Variants in CACNA1G observed in about 807,000 individuals in gnomAD.
CACNA1G encodes the protein voltage-dependent T-type calcium channel subunit alpha-1G.
Under a neutral mutation model 219.4 loss-of-function variants are expected in CACNA1G, and 67 were observed. The ratio of observed to expected loss-of-function variants is 0.31; its 90% CI spans 0.25 to 0.37. The LOEUF is 0.37. CACNA1G is among the 10% of genes least tolerant of loss of function. The pLI is 1.00. For missense variants in CACNA1G, 2,380 were observed against 3,231.4 expected (o/e 0.74, Z 6.39); for synonymous variants, 1,296 against 1,345.3 (o/e 0.96, Z 0.80).
intron 25 of CACNA1G, 55 bp downstream of exon 25, chr17:50,608,074 C>CT: frequency 1.3e-6 from 2 of 1,520,446 alleles, no homozygotes; most frequent in Non-Finnish European, 1.8e-6. Context: ...CTGGGTCGTG[C>CT]TTGACCTTGG....
At chr17:50,584,105 A>C (rs1035299740) in intron 9 of CACNA1G, among the ~76,000 whole-genome samples, 11 of 152,124 alleles carry the variant, frequency 7.2e-5, no homozygotes, top group South Asian at 2.1e-4. Flanking sequence ...GGTTTGGGAG[A>C]GGAGGCGAGA....
chr17:50,565,591 C>T (rs185529727), intron 1 of CACNA1G, among the ~76,000 whole-genome samples: 251 of 152,232 alleles, frequency 1.6e-3, no homozygotes, highest in African/African-American at 5.9e-3. Context: ...CCTCAACGTT[C>T]CTTAGTCTCA....
In CACNA1G at chr17:50,603,057, C is replaced by T; in HGVS notation, c.4027C>T (p.Arg1343Trp). The part of the protein sequence containing the change: ...GWCFGEQAYL[R>W]SSWNVLDGLL... ...GTGCTTCGGGGAGCAGGCGTACCTG[C>T]GGAGCAGTTGGAACGTGCTGGACGG... The change falls in exon 21 of 38, where the codon CGG (arginine) becomes TGG (tryptophan). Residue 1343 changes from arginine (R) to tryptophan (W), a missense_variant. Transcript: ENST00000359106. The surrounding 1 kb of genome is among the most constrained non-coding windows in gnomAD (Gnocchi z 6.4). 1.2e-6 allele frequency: 2 copies of T among 1,613,516 alleles called. No homozygotes were observed. The highest frequency in any genetic ancestry group is 1.7e-6 in the Non-Finnish European group (2 of 1,179,728).
chr17:50,578,273 T>C lies in CACNA1G; in HGVS notation c.2010T>C (p.Cys670=). The C allele has an allele frequency of 6.2e-7, 1 of 1,612,908 alleles. No homozygotes were observed. The highest frequency in any genetic ancestry group is 8.5e-7 in the Non-Finnish European group (1 of 1,179,754). The change falls in exon 9 of 38, where the codon TGT becomes TGC. Residue 670 remains cysteine (C), a synonymous_variant. Coordinates refer to ENST00000359106, the MANE Select transcript of CACNA1G (RefSeq NM_018896.5). The surrounding 1 kb of genome is among the most constrained non-coding windows in gnomAD (Gnocchi z 4.5). ...GTGGTCCAGACAGCTGCCCCTACTGTGCCCGGGCCGGGGCAGGGGAGGTGG... is the reference window on the plus strand; with the variant it reads ...GTGGTCCAGACAGCTGCCCCTACTGCGCCCGGGCCGGGGCAGGGGAGGTGG... ...GACGPDSCPY[C]ARAGAGEVEL...
At position 50,569,819 on chromosome 17, in the gene CACNA1G, G is replaced by A. The variant is rs1349513331; in HGVS notation, c.586+16G>A. Reference sequence around the variant, plus strand: ...CGGGTGCCCAGTGAGTGACCCCTCAGCCCTCAGCCCCTGAAGAGAGCCCCA... The same window carrying A: ...CGGGTGCCCAGTGAGTGACCCCTCAACCCTCAGCCCCTGAAGAGAGCCCCA... On this transcript the variant is annotated intron_variant, in intron 4 of 37. Transcript: ENST00000359106. 2.0e-6 allele frequency: 3 copies of A among 1,538,310 alleles called. No individual in the cohort carries two copies. The highest frequency in any genetic ancestry group is 2.6e-6 in the Non-Finnish European group (3 of 1,137,224).
chr17:50,622,393 G>A (rs374217370), intron 35 of CACNA1G, among the ~76,000 whole-genome samples: 1 of 152,080 alleles, frequency 6.6e-6, no homozygotes, highest in East Asian at 1.9e-4. Context: ...CCCTTCTCCA[G>A]CTCCCGTCCC....
intron 9 of CACNA1G, among the ~76,000 whole-genome samples, chr17:50,585,648 G>A (rs1480712087): frequency 6.6e-6 from 1 of 152,134 alleles, no homozygotes; most frequent in East Asian, 1.9e-4. Flanking sequence ...GGAGGGCACA[G>A]GAGGGGGGAT....
intron 25 of CACNA1G, among the ~76,000 whole-genome samples, chr17:50,608,314 G>A (rs907002523): frequency 2.6e-5 from 4 of 152,074 alleles, no homozygotes; most frequent in South Asian, 2.1e-4. Context: ...CAGCCTCCCC[G>A]AGCTTGACTC....
chr17:50,599,554 C>A lies in CACNA1G; in HGVS notation c.3385C>A (p.Arg1129=), dbSNP rs745670986. 6.2e-7 allele frequency: 1 copy of A among 1,612,692 alleles called. No homozygotes were observed. ...LKRRSPSGER[R]SLLSGEGQES... ...GCGGAGAAGCCCAAGTGGAGAGCGG[C>A]GGTCCCTGTTGTCGGGAGAAGGCCA... The change falls in exon 17 of 38, where the codon CGG becomes AGG. Residue 1129 remains arginine (R), a synonymous_variant. Coordinates refer to ENST00000359106, the MANE Select transcript of CACNA1G (RefSeq NM_018896.5).
In CACNA1G at chr17:50,561,158, C is replaced by T. The variant is rs956353528; in HGVS notation, c.-302C>T. ...GAATCCGGCAACCGGAGCCTGGGCG[C>T]GAAGCGAAGAAGCCGGAACAAAGTG... is the stretch of plus-strand genomic sequence containing the variant. On this transcript the variant is annotated 5_prime_UTR_variant, in exon 1 of 38. Transcript: ENST00000359106. 1.9e-6 allele frequency: 1 copy of T among 537,438 alleles called. No individual in the cohort carries two copies. The highest frequency in any genetic ancestry group is 3.4e-6 in the Non-Finnish European group (1 of 290,540). The allele number at this position is 537,438 out of a possible 1,614,324, so 33.3% of individuals were successfully genotyped here.
In CACNA1G at chr17:50,561,447, G is replaced by C. The variant is rs1203335786; in HGVS notation, c.-13G>C. On this transcript the variant is annotated 5_prime_UTR_variant, in exon 1 of 38. Transcript: ENST00000359106. ...CCCTCTCCGGATCGCCCGGGGCCCC[G>C]GCTGGCCAGAGGATGGACGAGGAGG... 4 of 1,533,844 alleles carry C rather than the reference G, an allele frequency of 2.6e-6. No individual in the cohort carries two copies. The East Asian group carries it at 9.8e-5, about 38-fold the overall frequency.
rs549256319 is a variant in CACNA1G, at chr17:50,607,479, C to T, written c.4513-348C>T. The T allele has an allele frequency of 2.2e-4, 68 of 313,988 alleles. 1 individual carries two copies. The highest frequency in any genetic ancestry group is 3.8e-4 in the East Asian group (5 of 13,086). 19.5% of individuals were successfully genotyped at this position (313,988 alleles called of 1,614,324 possible). On this transcript the variant is annotated intron_variant, in intron 24 of 37. Coordinates refer to ENST00000359106, the MANE Select transcript of CACNA1G (RefSeq NM_018896.5). ...CTGCACTCCAGCCTAAGCAATAGAACAAGACCCTGTCTCTAAAAAAAGAAA... is the reference window on the plus strand; with the variant it reads ...CTGCACTCCAGCCTAAGCAATAGAATAAGACCCTGTCTCTAAAAAAAGAAA...
Position 50,600,232 on chromosome 17 carries a change from C to G in CACNA1G, c.3690+373C>G, listed in dbSNP as rs555152299. The stretch of plus-strand genomic sequence containing the variant: ...TCATCACAAGCCATGACTTCCCACT[C>G]TATCCATACCCATGTGCCCCTGCCC... On this transcript the variant is annotated intron_variant, in intron 17 of 37. Coordinates refer to ENST00000359106, the MANE Select transcript of CACNA1G (RefSeq NM_018896.5). This position sits in a 1 kb window ranked among gnomAD's most constrained non-coding sequence, Gnocchi z 4.1. 6.6e-6 allele frequency among the ~76,000 whole-genome samples: 1 copy of G among 152,350 alleles called. No individual in the cohort carries two copies. The highest frequency in any genetic ancestry group is 1.9e-4 in the East Asian group (1 of 5,176).
At chr17:50,619,111 C>T (rs2051166025) in intron 33 of CACNA1G, 103 bp downstream of exon 33, 2 of 849,536 alleles carry the variant, frequency 2.4e-6, no homozygotes, top group Non-Finnish European at 1.7e-6. Context: ...CCCTAGGCTC[C>T]TCCTGGAGGC....
At chr17:50,591,883 A>T in intron 12 of CACNA1G, 30 bp downstream of exon 12, 1 of 1,613,680 alleles carries the variant, frequency 6.2e-7, no homozygotes, top group South Asian at 1.1e-5. Flanking sequence ...GGGCGTGGAC[A>T]GGGGCCGTCA....
In CACNA1G at chr17:50,618,962, C is replaced by T. The variant is rs1203747142; in HGVS notation, c.5735C>T (p.Ala1912Val). The change falls in exon 33 of 38, where the codon GCG (alanine) becomes GTG (valine). Residue 1912 changes from alanine to valine, a missense_variant. Physicochemically the swap from Ala to Val is moderately conservative, Grantham distance 64. This residue lies in a region of CACNA1G where 672 missense variants were observed against 670.5 expected (regional missense o/e 1.00). Transcript: ENST00000359106. The surrounding 1 kb of genome is among the most constrained non-coding windows in gnomAD (Gnocchi z 5.3). Reference protein sequence around the residue: ...DSPKPGALHPAAHARSASHFS... With the variant: ...DSPKPGALHPVAHARSASHFS... Reference sequence around the variant, plus strand: ...CCCAAGCCTGGGGCTCTGCACCCAGCGGCCCACGCGAGATCAGCCTCCCAC... The same window carrying T: ...CCCAAGCCTGGGGCTCTGCACCCAGTGGCCCACGCGAGATCAGCCTCCCAC... 3.7e-5 allele frequency: 57 copies of T among 1,559,014 alleles called. No homozygotes were observed. Among genetic ancestry groups the T allele is most frequent in the Non-Finnish European group, 4.9e-5 (56 of 1,152,222 alleles).
intron 9 of CACNA1G, among the ~76,000 whole-genome samples, chr17:50,579,169 A>AACT (rs1292326083): frequency 6.6e-6 from 1 of 152,154 alleles, no homozygotes; most frequent in Non-Finnish European, 1.5e-5. Context: ...GGGGACTTGA[A>AACT]GCCATCGCGT....
At chr17:50,562,300 G>A (rs1316690160) in intron 1 of CACNA1G, among the ~76,000 whole-genome samples, 1 of 152,130 alleles carries the variant, frequency 6.6e-6, no homozygotes, top group Non-Finnish European at 1.5e-5. Context: ...ATGTTGGGGG[G>A]CGGGGACCAG....
At chr17:50,570,557 C>CTGTGTGTGTGGGTGTGTG (rs2039172654) in intron 4 of CACNA1G, among the ~76,000 whole-genome samples, 1 of 132,614 alleles carries the variant, frequency 7.5e-6, no homozygotes, top group Non-Finnish European at 1.6e-5. Flanking sequence ...CCCCTGCGCT[C>CTGTGTGTGTGGGTGTGTG]TGTGTGTGTG....
Sources: gnomAD v4.1 joint callset for allele counts (sites outside exome capture counted in the v4.1 genomes callset) on GRCh38, gnomAD v4.1.1 for gene constraint, gnomAD v4.1.1 regional missense constraint, Gnocchi (gnomAD v3.1) non-coding constraint, MANE v1.5 for transcripts, NCBI Gene and HGNC (gene_info 2026-07-23, HGNC 2026-07-21) for gene names.